Variants in OXR1 observed in about 807,000 individuals in gnomAD.
OXR1 encodes oxidation resistance protein 1.
Under a neutral mutation model 104.6 loss-of-function variants are expected in OXR1, and 41 were observed. That is an observed-to-expected ratio of 0.39 (90% CI 0.31 to 0.51). OXR1 has a LOEUF of 0.51. Ranked by LOEUF, OXR1 falls within the 20% of genes least tolerant of loss-of-function variation. The pLI, the probability that OXR1 is intolerant of heterozygous loss-of-function variation, is 0.77. For missense variants in OXR1, 955 were observed against 1,031.9 expected, an observed-to-expected ratio of 0.93 and a Z score of 1.02; for synonymous variants, 348 against 348.4, an observed-to-expected ratio of 1.00 and a Z score of 0.01.
intron 2 of OXR1, among the ~76,000 whole-genome samples, chr8:106,373,508 T>G (rs1179254034): frequency 1.3e-5 from 2 of 152,178 alleles, no homozygotes; most frequent in Admixed American, 6.5e-5. Flanking sequence ...AAAATTCACT[T>G]TATTCTAAAA....
chr8:106,697,500 C>T, intron 7 of OXR1: 1 of 1,609,828 alleles, frequency 6.2e-7, no homozygotes, highest in Non-Finnish European at 8.5e-7. Flanking sequence ...CGATCACGTT[C>T]TTGCCCTCTT....
intron 2 of OXR1, among the ~76,000 whole-genome samples, chr8:106,496,203 A>G (rs989261452): frequency 9.9e-5 from 15 of 152,162 alleles, no homozygotes; most frequent in Non-Finnish European, 2.1e-4. Flanking sequence ...GACCAATAAT[A>G]TCAGTATCAT....
intron 3 of OXR1, among the ~76,000 whole-genome samples, chr8:106,519,393 G>A (rs1813092640): frequency 1.3e-5 from 2 of 152,094 alleles, no homozygotes; most frequent in Admixed American, 1.3e-4. Flanking sequence ...ATACATATAC[G>A]TACATATACG....
intron 2 of OXR1, among the ~76,000 whole-genome samples, chr8:106,364,958 G>T (rs1175532807): frequency 6.6e-6 from 1 of 152,124 alleles, no homozygotes; most frequent in Non-Finnish European, 1.5e-5. Context: ...ACTTGTATTT[G>T]CAATGGCAGA....
chr8:106,509,609 T>C (rs1266738857), intron 2 of OXR1, among the ~76,000 whole-genome samples: 1 of 152,190 alleles, frequency 6.6e-6, no homozygotes, highest in Admixed American at 6.5e-5. Flanking sequence ...CCCAGGGCAC[T>C]ATAGAAAATT....
chr8:106,456,854 T>C (rs1820622840), intron 2 of OXR1, among the ~76,000 whole-genome samples: 1 of 152,184 alleles, frequency 6.6e-6, no homozygotes, highest in Non-Finnish European at 1.5e-5. Flanking sequence ...GAAACATGTG[T>C]GTGCATGTGT....
At chr8:106,280,373 G>A (rs1160925501) in intron 1 of OXR1, among the ~76,000 whole-genome samples, 1 of 152,118 alleles carries the variant, frequency 6.6e-6, no homozygotes, top group Non-Finnish European at 1.5e-5. Flanking sequence ...ACGGCCATTC[G>A]GGCTTTGGAG....
chr8:106,601,094 C>G (rs1819935979), intron 3 of OXR1, among the ~76,000 whole-genome samples: 2 of 152,020 alleles, frequency 1.3e-5, no homozygotes, highest in Admixed American at 6.6e-5. Context: ...TAGTGAGAAG[C>G]CACTGAAGGA....
intron 3 of OXR1, among the ~76,000 whole-genome samples, chr8:106,574,769 T>C (rs1250726172): frequency 1.3e-5 from 2 of 152,204 alleles, no homozygotes; most frequent in East Asian, 3.8e-4. Flanking sequence ...CTTATGAAAA[T>C]AGTGCTTCTA....
At chr8:106,500,359 C>T (rs759613369) in intron 2 of OXR1, among the ~76,000 whole-genome samples, 6 of 152,212 alleles carry the variant, frequency 3.9e-5, no homozygotes, top group Non-Finnish European at 7.3e-5. Flanking sequence ...ACTTAGAAAC[C>T]GATGTTATTC....
At chr8:106,703,601 C>G (rs1830789691) in intron 8 of OXR1, among the ~76,000 whole-genome samples, 1 of 151,930 alleles carries the variant, frequency 6.6e-6, no homozygotes, top group Non-Finnish European at 1.5e-5. Context: ...GGAAGAAAAC[C>G]CACAACTTGC....
chr8:106,728,339 A>G (rs1319141074), intron 11 of OXR1, among the ~76,000 whole-genome samples: 2 of 152,114 alleles, frequency 1.3e-5, no homozygotes, highest in African/African-American at 4.8e-5. Flanking sequence ...TACCCAACAA[A>G]TAATATGGCC....
At chr8:106,320,097 C>A (rs886828815) in intron 1 of OXR1, among the ~76,000 whole-genome samples, 1 of 152,168 alleles carries the variant, frequency 6.6e-6, no homozygotes, top group African/African-American at 2.4e-5. Context: ...GCATTCAAAG[C>A]ACACATCACA....
At chr8:106,530,727 C>A (rs1199504219) in intron 3 of OXR1, among the ~76,000 whole-genome samples, 1 of 152,060 alleles carries the variant, frequency 6.6e-6, no homozygotes, top group Non-Finnish European at 1.5e-5. Context: ...ATGTGTACAT[C>A]TACATAGAAG....
At chr8:106,731,344 G>A (rs1833875569) in intron 11 of OXR1, among the ~76,000 whole-genome samples, 1 of 152,068 alleles carries the variant, frequency 6.6e-6, no homozygotes, top group South Asian at 2.1e-4. Context: ...ATGTTGCAGA[G>A]ATTTTCTAGT....
At chr8:106,739,421 G>C in intron 12 of OXR1, 37 bp from the exon 13 acceptor site, 1 of 1,581,516 alleles carries the variant, frequency 6.3e-7, no homozygotes, top group Non-Finnish European at 8.6e-7. Context: ...CATGTCACAA[G>C]TTTACATTAA....
At chr8:106,551,384 A>G (rs530384115) in intron 3 of OXR1, among the ~76,000 whole-genome samples, 4 of 152,350 alleles carry the variant, frequency 2.6e-5, no homozygotes, top group East Asian at 1.9e-4. Context: ...TGAAAGTTCT[A>G]TTCACTTAAG....
intron 1 of OXR1, among the ~76,000 whole-genome samples, chr8:106,305,228 T>C (rs1813420838): frequency 6.6e-6 from 1 of 152,108 alleles, no homozygotes; most frequent in Non-Finnish European, 1.5e-5. Context: ...TGTTTCATTC[T>C]TTTTTTGGTA....
chr8:106,457,000 AC>A (rs1457824582), intron 2 of OXR1, among the ~76,000 whole-genome samples: 2 of 152,162 alleles, frequency 1.3e-5, no homozygotes, highest in Non-Finnish European at 2.9e-5. Context: ...TATTGTTTAG[AC>A]AGTTCTCATC....
Sources: allele counts gnomAD v4.1 joint callset (sites outside exome capture counted in the v4.1 genomes callset), GRCh38; gene constraint gnomAD v4.1.1; transcripts MANE v1.5; gene names NCBI Gene and HGNC (gene_info 2026-07-23, HGNC 2026-07-21).